Variants in RALGAPA2 observed in about 807,000 individuals in gnomAD.
RALGAPA2 encodes ral GTPase-activating protein subunit alpha-2.
Under a neutral mutation model 230.4 loss-of-function variants are expected in RALGAPA2, and 139 were observed. The ratio of observed to expected loss-of-function variants is 0.60; its 90% CI spans 0.53 to 0.69. The LOEUF (loss-of-function observed/expected upper bound fraction) is 0.69. RALGAPA2 is among the 30% of genes least tolerant of loss of function. The pLI, the probability that RALGAPA2 is intolerant of heterozygous loss-of-function variation, is 0.00. For synonymous variants in RALGAPA2, 847 were observed against 837.8 expected (o/e 1.01, Z -0.19); for missense variants, 2,163 against 2,276.0 (o/e 0.95, Z 1.01).
At chr20:20,402,916 A>T (rs2059876421) in intron 38 of RALGAPA2, among the ~76,000 whole-genome samples, 1 of 152,016 alleles carries the variant, frequency 6.6e-6, no homozygotes, top group South Asian at 2.1e-4. Flanking sequence ...CTTCCTGCCC[A>T]CCCTGGCTCA....
intron 10 of RALGAPA2, among the ~76,000 whole-genome samples, chr20:20,623,050 A>G (rs1265332660): frequency 1.3e-5 from 2 of 152,198 alleles, no homozygotes. Context: ...GAGAAGAAAA[A>G]TGGGATATTA....
intron 16 of RALGAPA2, among the ~76,000 whole-genome samples, chr20:20,600,404 A>G (rs555949737): frequency 3.3e-5 from 5 of 152,342 alleles, no homozygotes; most frequent in Non-Finnish European, 7.4e-5. Flanking sequence ...CCTGCTAACA[A>G]AGAATTGGGT....
At chr20:20,591,097 T>C in intron 17 of RALGAPA2, 80 bp downstream of exon 17, 3 of 1,473,290 alleles carry the variant, frequency 2.0e-6, no homozygotes, top group South Asian at 1.3e-5. Flanking sequence ...AGAATATATG[T>C]ACAAAGCAAT....
At chr20:20,696,999 G>GTAC (rs759146704) in intron 1 of RALGAPA2, among the ~76,000 whole-genome samples, 17 of 152,088 alleles carry the variant, frequency 1.1e-4, no homozygotes, top group Non-Finnish European at 2.5e-4. Flanking sequence ...GCCTCACAAA[G>GTAC]TACTAGGATT....
intron 3 of RALGAPA2, among the ~76,000 whole-genome samples, chr20:20,671,934 A>C (rs549956358): frequency 6.6e-6 from 1 of 152,212 alleles, no homozygotes; most frequent in African/African-American, 2.4e-5. Context: ...GGGAAGAAGG[A>C]GGAGCAAAGA....
chr20:20,676,188 T>G (rs765778716), intron 3 of RALGAPA2, 48 bp downstream of exon 3: 15 of 1,244,668 alleles, frequency 1.2e-5, no homozygotes, highest in South Asian at 1.7e-5. Context: ...AAAAATACTT[T>G]ATTTCCAACA....
intron 34 of RALGAPA2, among the ~76,000 whole-genome samples, chr20:20,504,583 G>T (rs535050040): frequency 6.6e-6 from 1 of 152,242 alleles, no homozygotes; most frequent in South Asian, 2.1e-4. Context: ...AAAATCAGCT[G>T]GGTGTGGCGG....
intron 3 of RALGAPA2, among the ~76,000 whole-genome samples, chr20:20,671,517 G>A (rs1463453685): frequency 6.6e-6 from 1 of 152,102 alleles, no homozygotes; most frequent in Non-Finnish European, 1.5e-5. Flanking sequence ...AAGCAGCAAC[G>A]AAGTTACTTA....
intron 23 of RALGAPA2, among the ~76,000 whole-genome samples, chr20:20,565,401 A>G (rs999760732): frequency 6.6e-6 from 1 of 152,204 alleles, no homozygotes; most frequent in Admixed American, 6.5e-5. Context: ...GGGGTTATTA[A>G]AAGAGTCAGG....
At position 20,591,219 on chromosome 20, in the gene RALGAPA2, T is replaced by G. The variant is rs944623667; in HGVS notation, c.2299A>C (p.Thr767Pro). 1 of 1,613,656 alleles carries G rather than the reference T, an allele frequency of 6.2e-7. No individual in the cohort carries two copies. The highest frequency in any genetic ancestry group is 8.5e-7 in the Non-Finnish European group (1 of 1,179,758). The change falls in exon 17 of 40, where the codon ACC becomes CCC. Residue 767 changes from threonine to proline, a missense_variant. Thr to Pro is a conservative substitution (Grantham distance 38). Transcript: ENST00000202677. The stretch of plus-strand genomic sequence containing the variant: ...CACAGCGGCTCGGGGATGTCGGAGG[T>G]GCTGCTGCTCCGAAGGACCTGCTGC... ...QQQQVLRSSS[T>P]SDIPEPLCSD...
Position 20,512,875 on chromosome 20 carries a change from G to A in RALGAPA2, c.4494C>T (p.Ser1498=). 6.2e-7 allele frequency: 1 copy of A among 1,613,814 alleles called. No individual in the cohort carries two copies. The highest frequency in any genetic ancestry group is 1.1e-5 in the South Asian group (1 of 91,076). Residue 1498 remains serine, a synonymous_variant, in exon 32 of 40, where the codon AGC becomes AGT. Transcript: ENST00000202677. ...NGRNPSFLIS[S]WHRDTFGPQK... The stretch of plus-strand genomic sequence containing the variant: ...GAGGTCCAAATGTGTCACGATGCCA[G>A]CTCGAAATCAGAAATGAAGGATTTC...
intron 13 of RALGAPA2, among the ~76,000 whole-genome samples, chr20:20,613,835 G>GA (rs1453855329): frequency 6.6e-6 from 1 of 152,104 alleles, no homozygotes; most frequent in Non-Finnish European, 1.5e-5. Context: ...ACAGCTGACG[G>GA]AAAAAACTCC....
intron 20 of RALGAPA2, among the ~76,000 whole-genome samples, chr20:20,579,707 T>A (rs945776397): frequency 6.6e-6 from 1 of 152,224 alleles, no homozygotes; most frequent in Non-Finnish European, 1.5e-5. Context: ...CTTTTCACAT[T>A]TATGTACTTT....
At chr20:20,431,975 A>T (rs2060511932) in intron 37 of RALGAPA2, among the ~76,000 whole-genome samples, 1 of 152,210 alleles carries the variant, frequency 6.6e-6, no homozygotes, top group Non-Finnish European at 1.5e-5. Flanking sequence ...ACTTGCACAG[A>T]CTTAATGGGA....
In RALGAPA2 at chr20:20,524,440, G is replaced by A. The variant is rs764306549; in HGVS notation, c.3866C>T (p.Ser1289Leu). 1.5e-5 allele frequency: 25 copies of A among 1,613,708 alleles called. No individual in the cohort carries two copies. Among genetic ancestry groups the A allele is most frequent in the African/African-American group, 5.3e-5 (4 of 74,888 alleles). ...VSTAVLEEQH[S>L]ARAPLLDYIY... is the part of the protein sequence containing the mutation. Reference sequence around the variant, plus strand: ...ATAATCCAGCAAGGGGGCTCTGGCCGAATGCTGCTCCTCTAGGACTGCTGT... The same window carrying A: ...ATAATCCAGCAAGGGGGCTCTGGCCAAATGCTGCTCCTCTAGGACTGCTGT... Residue 1289 changes from serine to leucine, a missense_variant, in exon 30 of 40, where the codon TCG becomes TTG. Coordinates refer to ENST00000202677, the MANE Select transcript of RALGAPA2 (RefSeq NM_020343.4).
chr20:20,610,507 C>T (rs1455165589), intron 14 of RALGAPA2, among the ~76,000 whole-genome samples: 5 of 152,118 alleles, frequency 3.3e-5, no homozygotes, highest in East Asian at 1.9e-4. Context: ...CCACCATATC[C>T]GGGACCTCAC....
intron 3 of RALGAPA2, among the ~76,000 whole-genome samples, chr20:20,674,020 T>C (rs1013287037): frequency 6.6e-6 from 1 of 151,850 alleles, no homozygotes; most frequent in African/African-American, 2.4e-5. Flanking sequence ...AGACCCTATG[T>C]CTACAACAAA....
chr20:20,558,451 A>G (rs999220166), intron 23 of RALGAPA2, among the ~76,000 whole-genome samples: 1 of 152,264 alleles, frequency 6.6e-6, no homozygotes, highest in Non-Finnish European at 1.5e-5. Context: ...TGATTGCTTC[A>G]GCTTAAAAAT....
intron 3 of RALGAPA2, among the ~76,000 whole-genome samples, chr20:20,673,124 G>A (rs987949048): frequency 6.6e-6 from 1 of 151,864 alleles, no homozygotes; most frequent in Non-Finnish European, 1.5e-5. Flanking sequence ...GGCGGAGCTT[G>A]CAGTGAGCTG....
Sources: allele counts gnomAD v4.1 joint callset (sites outside exome capture counted in the v4.1 genomes callset), GRCh38; gene constraint gnomAD v4.1.1; transcripts MANE v1.5; gene names NCBI Gene and HGNC (gene_info 2026-07-23, HGNC 2026-07-21).